The following BMAL1 variants were observed in gnomAD, a reference collection of about 807,000 sequenced individuals.
The protein encoded by BMAL1 is basic helix-loop-helix ARNT-like protein 1.
chr11:13,365,280 GAAAC>G, the BMAL1 span: 1 of 176,942 alleles, frequency 5.7e-6, no homozygotes. Flanking sequence ...ATGATATGCA[GAAAC>G]ACACACACAC....
the BMAL1 span, among the ~76,000 whole-genome samples, chr11:13,318,803 A>C: frequency 5.3e-5 from 8 of 152,134 alleles, no homozygotes; most frequent in Admixed American, 3.3e-4. Flanking sequence ...GCAAATACCA[A>C]AATTTTTTTA....
At chr11:13,293,209 C>G in the BMAL1 span, among the ~76,000 whole-genome samples, 1 of 152,082 alleles carries the variant, frequency 6.6e-6, no homozygotes, top group Non-Finnish European at 1.5e-5. Context: ...GGGGGGCACC[C>G]AGGCATGGAA....
At chr11:13,283,435 C>T in the BMAL1 span, among the ~76,000 whole-genome samples, 1 of 152,128 alleles carries the variant, frequency 6.6e-6, no homozygotes, top group Non-Finnish European at 1.5e-5. Flanking sequence ...CATTTAAACC[C>T]CATAACAACT....
At chr11:13,277,272 A>G in the BMAL1 span, among the ~76,000 whole-genome samples, 1 of 151,966 alleles carries the variant, frequency 6.6e-6, no homozygotes. Flanking sequence ...CGGAGGGGAG[A>G]AGAAGAAGGA....
At chr11:13,284,122 G>A in the BMAL1 span, among the ~76,000 whole-genome samples, 50 of 81,412 alleles carry the variant, frequency 6.1e-4, 6 homozygotes, top group South Asian at 2.5e-3. Context: ...ATATATATGT[G>A]TGTGTGTATA....
chr11:13,360,507 TCAACAC>T, the BMAL1 span: 1 of 1,331,322 alleles, frequency 7.5e-7, no homozygotes, highest in South Asian at 1.3e-5. Context: ...ATTTGATGTT[TCAACAC>T]TGAGCTTTTT....
the BMAL1 span, among the ~76,000 whole-genome samples, chr11:13,368,562 A>G: frequency 1.3e-5 from 2 of 152,180 alleles, no homozygotes; most frequent in Non-Finnish European, 2.9e-5. Context: ...TGGGAGGTAG[A>G]TGGGATGGGA....
At chr11:13,359,235 C>T in the BMAL1 span, among the ~76,000 whole-genome samples, 5 of 152,152 alleles carry the variant, frequency 3.3e-5, no homozygotes, top group Non-Finnish European at 7.4e-5. Context: ...ATATATCAGG[C>T]ATTTTAGTGA....
At chr11:13,282,495 T>C in the BMAL1 span, among the ~76,000 whole-genome samples, 1 of 152,196 alleles carries the variant, frequency 6.6e-6, no homozygotes, top group Non-Finnish European at 1.5e-5. Context: ...CTGCCAGACC[T>C]TGCCATGTGC....
the BMAL1 span, among the ~76,000 whole-genome samples, chr11:13,373,230 A>G: frequency 2.0e-5 from 3 of 152,196 alleles, no homozygotes; most frequent in Non-Finnish European, 4.4e-5. Context: ...GGTCTCCTGT[A>G]GGATTCACAA....
At chr11:13,288,722 T>C in the BMAL1 span, among the ~76,000 whole-genome samples, 15 of 152,172 alleles carry the variant, frequency 9.9e-5, no homozygotes, top group Admixed American at 9.8e-4. Context: ...AGCAGAGACC[T>C]GACAGGAGGC....
At chr11:13,312,742 A>C in the BMAL1 span, among the ~76,000 whole-genome samples, 495 of 152,326 alleles carry the variant, frequency 3.2e-3, 3 homozygotes, top group African/African-American at 0.011. Context: ...CCAGCATCGT[A>C]GCACAGAATC....
chr11:13,292,040 G>A, the BMAL1 span, among the ~76,000 whole-genome samples: 1 of 152,218 alleles, frequency 6.6e-6, no homozygotes, highest in Admixed American at 6.5e-5. Context: ...TAGGAATGGA[G>A]TGAACTGCTA....
the BMAL1 span, among the ~76,000 whole-genome samples, chr11:13,321,530 G>T: frequency 1.3e-5 from 2 of 151,976 alleles, no homozygotes; most frequent in Non-Finnish European, 2.9e-5. Context: ...CCTTGCTTGG[G>T]GTCCTGCTCA....
the BMAL1 span, among the ~76,000 whole-genome samples, chr11:13,295,995 T>G: frequency 1.3e-5 from 2 of 152,208 alleles, no homozygotes; most frequent in Non-Finnish European, 2.9e-5. Flanking sequence ...TCTGAAACTC[T>G]TGATTACCAG....
chr11:13,379,987 C>G, the BMAL1 span: 49 of 152,314 alleles, frequency 3.2e-4, no homozygotes, highest in African/African-American at 1.1e-3. Flanking sequence ...TGAAGGTGGG[C>G]ATGTTTGACA....
At chr11:13,377,413 T>C in the BMAL1 span, among the ~76,000 whole-genome samples, 1 of 152,142 alleles carries the variant, frequency 6.6e-6, no homozygotes, top group African/African-American at 2.4e-5. Context: ...CTCTCCCCCA[T>C]TATATCTAAA....
At chr11:13,348,531 G>A in the BMAL1 span, among the ~76,000 whole-genome samples, 18 of 152,216 alleles carry the variant, frequency 1.2e-4, no homozygotes, top group South Asian at 2.5e-3. Context: ...TGTGGGGTGT[G>A]GGAGGAAGAG....
At chr11:13,375,479 A>C in the BMAL1 span, 1 of 642,168 alleles carries the variant, frequency 1.6e-6, no homozygotes. Flanking sequence ...AGTGTTGACC[A>C]CTGCAGTTTC....
Sources: allele counts gnomAD v4.1 joint callset (sites outside exome capture counted in the v4.1 genomes callset), GRCh38; gene constraint gnomAD v4.1.1; transcripts MANE v1.5; gene names NCBI Gene and HGNC (gene_info 2026-07-23, HGNC 2026-07-21).